WDR49: variants seen among roughly 807,000 people sequenced by gnomAD.
WDR49 encodes WD repeat domain 49.
In WDR49, 107 loss-of-function variants were observed where a neutral mutation model predicts 119.5. The observed-to-expected ratio is 0.90, with a 90% CI of 0.77 to 1.05. The LOEUF is 1.05. WDR49 is among the 50% of genes least tolerant of loss of function. The pLI, the probability that WDR49 is intolerant of heterozygous loss-of-function variation, is 0.00. For missense variants in WDR49, 1,240 were observed against 1,220.5 expected (o/e 1.02, Z -0.24); for synonymous variants, 425 against 418.8 (o/e 1.01, Z -0.18).
Position 167,532,851 on chromosome 3 carries a change from G to A in WDR49, c.2053+28C>T, listed in dbSNP as rs2108243991. The A allele has an allele frequency of 3.9e-6, 6 of 1,555,928 alleles. No individual in the cohort carries two copies. In the African/African-American group the frequency reaches 4.1e-5, roughly 11 times the overall value. ...GGCCTACTGTGATTTGACTAGCCAT[G>A]TTATTTTCGTTTCAAACTCACACTT... is the stretch of plus-strand genomic sequence containing the variant. On this transcript the variant is annotated intron_variant, in intron 12 of 18. Coordinates refer to ENST00000682715, the MANE Select transcript of WDR49 (RefSeq NM_001366157.1).
chr3:167,586,596 T>C (rs1714827507), intron 7 of WDR49, among the ~76,000 whole-genome samples: 1 of 152,228 alleles, frequency 6.6e-6, no homozygotes, highest in South Asian at 2.1e-4. Context: ...TTTCATTTTT[T>C]CTAACTTAAC....
chr3:167,505,564 C>T (rs1560255762), intron 16 of WDR49, 148 bp from the exon 17 acceptor site: 7 of 1,175,958 alleles, frequency 6.0e-6, no homozygotes, highest in Non-Finnish European at 6.5e-6. Context: ...TTTGTTTATA[C>T]TAATCAAGCC....
chr3:167,621,474 G>A lies in WDR49; in HGVS notation c.776C>T (p.Thr259Ile), dbSNP rs1469215526. ...NESILSFGDI[T>I]GKVQAIAFTA... ...TAATCTACCCTCACTTACCTTTCCA[G>A]TTATATCCCCAAAAGAAAGAATTGA... is the stretch of plus-strand genomic sequence containing the variant. Residue 259 changes from threonine (T) to isoleucine (I), a missense_variant, in exon 4 of 19, where the codon ACT becomes ATT. Transcript: ENST00000682715. The A allele has an allele frequency of 6.5e-7, 1 of 1,531,086 alleles. No homozygotes were observed. The allele number at this position is 1,531,086 out of a possible 1,614,324, so 94.8% of individuals were successfully genotyped here. A position where few individuals can be genotyped will look rare whatever the true frequency, so the allele number is the denominator to read the frequency against.
chr3:167,604,808 A>G (rs1315360166), intron 5 of WDR49, among the ~76,000 whole-genome samples: 2 of 152,090 alleles, frequency 1.3e-5, no homozygotes, highest in Non-Finnish European at 2.9e-5. Flanking sequence ...TGCTTCCACT[A>G]TGTGAGGGCA....
At chr3:167,556,962 T>C (rs1577237955) in intron 9 of WDR49, among the ~76,000 whole-genome samples, 1 of 151,876 alleles carries the variant, frequency 6.6e-6, no homozygotes. Context: ...AAGGTGGAGG[T>C]TGCAGTGAGC....
chr3:167,594,895 G>A (rs1470796331), intron 7 of WDR49, among the ~76,000 whole-genome samples: 2 of 150,044 alleles, frequency 1.3e-5, no homozygotes, highest in Non-Finnish European at 3.0e-5. Context: ...AGGAAATAAA[G>A]GGTATTCAAT....
chr3:167,600,199 C>T (rs1033153040), intron 7 of WDR49, among the ~76,000 whole-genome samples: 6 of 152,010 alleles, frequency 3.9e-5, no homozygotes, highest in African/African-American at 1.4e-4. Flanking sequence ...AATTGTGCTG[C>T]CTGGGGTTGG....
intron 6 of WDR49, 24 bp downstream of exon 6, chr3:167,604,277 G>C: frequency 6.2e-7 from 1 of 1,611,732 alleles, no homozygotes; most frequent in South Asian, 1.1e-5. Flanking sequence ...GGCCCTCATA[G>C]TTATCATGAT....
chr3:167,514,452 T>C (rs972319796), intron 16 of WDR49, among the ~76,000 whole-genome samples: 3 of 152,044 alleles, frequency 2.0e-5, no homozygotes, highest in African/African-American at 7.2e-5. Flanking sequence ...ACACAGCTAA[T>C]GCAGTGTTAA....
intron 18 of WDR49, among the ~76,000 whole-genome samples, chr3:167,480,780 G>C (rs1750689081): frequency 6.6e-6 from 1 of 152,200 alleles, no homozygotes; most frequent in African/African-American, 2.4e-5. Flanking sequence ...CAGCATCTTA[G>C]AATGTGCTGG....
chr3:167,479,576 T>C (rs549340194), intron 18 of WDR49, among the ~76,000 whole-genome samples: 1 of 152,330 alleles, frequency 6.6e-6, no homozygotes, highest in East Asian at 1.9e-4. Flanking sequence ...CAAATGCTTA[T>C]TGAATGTCTA....
intron 2 of WDR49, among the ~76,000 whole-genome samples, chr3:167,632,965 G>A (rs1717439259): frequency 6.6e-6 from 1 of 152,058 alleles, no homozygotes; most frequent in Non-Finnish European, 1.5e-5. Context: ...ATAATTTAAT[G>A]TGTGGATGGC....
chr3:167,565,492 G>A (rs1230758485), intron 8 of WDR49, among the ~76,000 whole-genome samples: 1 of 151,922 alleles, frequency 6.6e-6, no homozygotes, highest in East Asian at 1.9e-4. Context: ...GGTAACAAAG[G>A]TTATGGAGGA....
intron 7 of WDR49, among the ~76,000 whole-genome samples, chr3:167,588,050 C>A (rs1714909359): frequency 6.6e-6 from 1 of 152,050 alleles, no homozygotes; most frequent in African/African-American, 2.4e-5. Context: ...CCTCTTAATT[C>A]TTTCTATTTT....
chr3:167,536,978 G>T lies in WDR49; in HGVS notation c.1846C>A (p.Gln616Lys). 1 of 1,587,736 alleles carries T rather than the reference G, an allele frequency of 6.3e-7. No individual in the cohort carries two copies. The highest frequency in any genetic ancestry group is 8.6e-7 in the Non-Finnish European group (1 of 1,167,286). Residue 616 changes from glutamine (Q) to lysine (K), a missense_variant, in exon 11 of 19, where the codon CAA becomes AAA. Physicochemically the swap from Gln to Lys is moderately conservative, Grantham distance 53. Transcript: ENST00000682715. ...IGRAITVFRP[Q>K]NFNQFFIQPE... ...TGGATGAAAAATTGATTGAAGTTTT[G>T]GGGTCGAAACACAGTAATAGCCCTA...
intron 13 of WDR49, among the ~76,000 whole-genome samples, chr3:167,529,862 C>CGTAA: frequency 6.6e-6 from 1 of 152,162 alleles, no homozygotes; most frequent in South Asian, 2.1e-4. Context: ...AAGCACTTTA[C>CGTAA]CTAAGTTATT....
intron 2 of WDR49, among the ~76,000 whole-genome samples, chr3:167,646,104 T>C (rs1718115911): frequency 6.6e-6 from 1 of 152,120 alleles, no homozygotes; most frequent in East Asian, 1.9e-4. Context: ...ATGATCAGCA[T>C]GACTGAAACT....
chr3:167,500,084 T>C (rs1751499444), intron 18 of WDR49, 69 bp downstream of exon 18: 2 of 1,440,870 alleles, frequency 1.4e-6, no homozygotes, highest in African/African-American at 1.5e-5. Context: ...CATGCTCTTC[T>C]ACTCTATTTT....
rs150216870 is a variant in WDR49 at position 167,536,893 on chromosome 3, A to G, written c.1931T>C (p.Leu644Ser). 2.2e-3 allele frequency: 3,290 copies of G among 1,521,782 alleles called. 7 individuals carry two copies. Among genetic ancestry groups the G allele is most frequent in the Non-Finnish European group, 2.2e-3 (2,501 of 1,135,302 alleles). The allele number at this position is 1,521,782 out of a possible 1,614,324, so 94.3% of individuals were successfully genotyped here. ...ACCCGTAACAAGAGTTTGTGGAGGTAAAAACGCAGCACACAAGATGTCATC... is the reference window on the plus strand; with the variant it reads ...ACCCGTAACAAGAGTTTGTGGAGGTGAAAACGCAGCACACAAGATGTCATC... ...HHDDILCAAF[L>S]PPQTLVTGSY... The change falls in exon 11 of 19, where the codon TTA (leucine) becomes TCA (serine). Residue 644 changes from leucine (L) to serine (S), a missense_variant. Transcript: ENST00000682715.
Sources: allele counts gnomAD v4.1 joint callset (sites outside exome capture counted in the v4.1 genomes callset), GRCh38; gene constraint gnomAD v4.1.1; transcripts MANE v1.5; gene names NCBI Gene and HGNC (gene_info 2026-07-23, HGNC 2026-07-21).